AGBL4: variants seen among roughly 807,000 people sequenced by gnomAD.
AGBL4 encodes the protein AGBL carboxypeptidase 4.
Under a neutral mutation model 66.4 loss-of-function variants are expected in AGBL4, and 58 were observed. The ratio of observed to expected loss-of-function variants is 0.87; its 90% CI spans 0.71 to 1.09. AGBL4 has a LOEUF of 1.09. AGBL4 is among the 50% of genes least tolerant of loss of function. AGBL4 has a pLI of 0.00. For synonymous variants in AGBL4, 234 were observed against 222.9 expected, an observed-to-expected ratio of 1.05 and a Z score of -0.44; for missense variants, 579 against 631.0, an observed-to-expected ratio of 0.92 and a Z score of 0.88.
chr1:49,244,038 C>T (rs1461367097), intron 4 of AGBL4, among the ~76,000 whole-genome samples: 1 of 151,620 alleles, frequency 6.6e-6, no homozygotes, highest in Non-Finnish European at 1.5e-5. Flanking sequence ...TATCAAGAGC[C>T]CTAGCAGAGA....
At chr1:49,357,167 T>C (rs1017714310) in intron 3 of AGBL4, among the ~76,000 whole-genome samples, 14 of 152,182 alleles carry the variant, frequency 9.2e-5, no homozygotes, top group Admixed American at 9.2e-4. Context: ...CTGGTTGCCT[T>C]TCTTTATCTG....
chr1:50,020,286 T>C (rs1004509991), intron 1 of AGBL4, among the ~76,000 whole-genome samples: 4 of 152,250 alleles, frequency 2.6e-5, no homozygotes, highest in East Asian at 3.9e-4. Context: ...ATGTAAAGTA[T>C]ATGCAATACA....
intron 3 of AGBL4, among the ~76,000 whole-genome samples, chr1:49,444,094 T>C (rs1557946202): frequency 6.6e-6 from 1 of 152,086 alleles, no homozygotes; most frequent in East Asian, 1.9e-4. Context: ...TATTGTTTTC[T>C]AGTTTTATTC....
intron 3 of AGBL4, among the ~76,000 whole-genome samples, chr1:49,639,034 G>C (rs1645730425): frequency 6.6e-6 from 1 of 152,126 alleles, no homozygotes; most frequent in Non-Finnish European, 1.5e-5. Flanking sequence ...ACACAGTAAG[G>C]ATCCCAATAC....
intron 4 of AGBL4, among the ~76,000 whole-genome samples, chr1:49,223,689 C>T (rs1249484966): frequency 6.6e-6 from 1 of 152,198 alleles, no homozygotes; most frequent in Non-Finnish European, 1.5e-5. Context: ...GTTGCATGCC[C>T]TTGAAAACAG....
chr1:48,543,789 C>G (rs1644116170), intron 11 of AGBL4, among the ~76,000 whole-genome samples: 1 of 152,342 alleles, frequency 6.6e-6, no homozygotes, highest in South Asian at 2.1e-4. Context: ...GGAGCACCTA[C>G]TATGTGCCAG....
intron 6 of AGBL4, among the ~76,000 whole-genome samples, chr1:48,788,177 C>T (rs560877625): frequency 1.3e-5 from 2 of 152,350 alleles, no homozygotes; most frequent in Admixed American, 1.3e-4. Context: ...CTAACTGAGA[C>T]AAGGCATGTA....
chr1:48,931,451 C>T (rs1005667687), intron 5 of AGBL4, among the ~76,000 whole-genome samples: 3 of 152,156 alleles, frequency 2.0e-5, no homozygotes, highest in Non-Finnish European at 4.4e-5. Flanking sequence ...CTCTGTCCAC[C>T]CTATCTCAAG....
chr1:48,778,906 G>C (rs1645213255), intron 6 of AGBL4, among the ~76,000 whole-genome samples: 1 of 152,088 alleles, frequency 6.6e-6, no homozygotes. Context: ...TGGTTATGTG[G>C]TACAGCCAAA....
intron 3 of AGBL4, among the ~76,000 whole-genome samples, chr1:49,313,028 C>G (rs1227388322): frequency 6.6e-6 from 1 of 152,008 alleles, no homozygotes; most frequent in Admixed American, 6.6e-5. Flanking sequence ...TCCTCTAGCC[C>G]CCCAACCCCC....
chr1:48,846,421 G>GAAAT (rs1553243684), intron 6 of AGBL4, among the ~76,000 whole-genome samples: 4,245 of 144,702 alleles, frequency 0.029, 132 homozygotes, highest in Middle Eastern at 0.054. Flanking sequence ...AAGAAAGAAA[G>GAAAT]AAATTCATTT....
At chr1:49,024,734 G>A (rs2149027047) in intron 5 of AGBL4, among the ~76,000 whole-genome samples, 1 of 152,236 alleles carries the variant, frequency 6.6e-6, no homozygotes, top group Middle Eastern at 3.4e-3. Flanking sequence ...TGGAGTCTAA[G>A]GGAGATATGG....
At chr1:48,823,881 G>T (rs146310118) in intron 6 of AGBL4, among the ~76,000 whole-genome samples, 5 of 152,244 alleles carry the variant, frequency 3.3e-5, no homozygotes, top group Non-Finnish European at 5.9e-5. Flanking sequence ...CCTCTGCTAG[G>T]CCTTAGTTTT....
chr1:48,779,736 G>A (rs1310004496), intron 6 of AGBL4, among the ~76,000 whole-genome samples: 8 of 140,382 alleles, frequency 5.7e-5, no homozygotes, highest in African/African-American at 8.1e-5. Flanking sequence ...TTCTTGAGAC[G>A]GAGTTTCGCT....
At chr1:49,949,962 A>G (rs1219743139) in intron 1 of AGBL4, among the ~76,000 whole-genome samples, 2 of 146,038 alleles carry the variant, frequency 1.4e-5, no homozygotes, top group Non-Finnish European at 3.0e-5. Context: ...CAAATGCCAT[A>G]TATATATATA....
chr1:48,980,825 A>G (rs567424891), intron 5 of AGBL4, among the ~76,000 whole-genome samples: 68 of 144,360 alleles, frequency 4.7e-4, no homozygotes, highest in Middle Eastern at 3.6e-3. Context: ...TAACCACTCT[A>G]TGTTTGAACT....
chr1:48,876,580 C>A (rs1649255814), intron 5 of AGBL4, among the ~76,000 whole-genome samples: 1 of 152,126 alleles, frequency 6.6e-6, no homozygotes, highest in Non-Finnish European at 1.5e-5. Flanking sequence ...ACCCAGTGCA[C>A]CCATGGGCCC....
chr1:49,348,813 A>T (rs943273026), intron 3 of AGBL4, among the ~76,000 whole-genome samples: 3 of 152,228 alleles, frequency 2.0e-5, no homozygotes, highest in Admixed American at 6.5e-5. Flanking sequence ...TGCCTGTATC[A>T]AAAAGGAATT....
chr1:48,909,436 A>C (rs1423829504), intron 5 of AGBL4, among the ~76,000 whole-genome samples: 1 of 152,160 alleles, frequency 6.6e-6, no homozygotes, highest in African/African-American at 2.4e-5. Flanking sequence ...AGAGAGAGAG[A>C]TGTTGGCTTT....
Sources: gnomAD v4.1 joint callset for allele counts (sites outside exome capture counted in the v4.1 genomes callset) on GRCh38, gnomAD v4.1.1 for gene constraint, MANE v1.5 for transcripts, NCBI Gene and HGNC (gene_info 2026-07-23, HGNC 2026-07-21) for gene names.